The following OLA1 variants were observed in gnomAD, a reference collection of about 807,000 sequenced individuals.
The protein encoded by OLA1 is Obg like ATPase 1.
In OLA1, 14 loss-of-function variants were observed where a neutral mutation model predicts 48.4. The observed-to-expected ratio is 0.29, with a 90% CI of 0.19 to 0.45. The LOEUF (loss-of-function observed/expected upper bound fraction) is 0.45, where lower values mean the gene tolerates loss of function less well. OLA1 is among the 20% of genes least tolerant of loss of function. The pLI, the probability that OLA1 is intolerant of heterozygous loss-of-function variation, is 1.00. For synonymous variants in OLA1, 127 were observed against 150.4 expected (o/e 0.84, Z 1.14); for missense variants, 325 against 467.1 (o/e 0.70, Z 2.80).
chr2:174,203,949 T>C (rs1218898506), intron 4 of OLA1, among the ~76,000 whole-genome samples: 2 of 151,620 alleles, frequency 1.3e-5, no homozygotes, highest in Non-Finnish European at 2.9e-5. Context: ...TGTGCACCAC[T>C]GCGCCCAGCT....
At chr2:174,237,285 C>T (rs1301406449) in intron 2 of OLA1, among the ~76,000 whole-genome samples, 1 of 151,878 alleles carries the variant, frequency 6.6e-6, no homozygotes, top group Non-Finnish European at 1.5e-5. Context: ...TCCACCTACA[C>T]ATTTTGTCCC....
At chr2:174,205,989 T>C (rs1182115316) in intron 4 of OLA1, among the ~76,000 whole-genome samples, 1 of 152,152 alleles carries the variant, frequency 6.6e-6, no homozygotes, top group Non-Finnish European at 1.5e-5. Context: ...AGCTCAAAAT[T>C]ATAAGTCACT....
At chr2:174,245,427 G>A (rs986099677) in intron 2 of OLA1, among the ~76,000 whole-genome samples, 2 of 152,192 alleles carry the variant, frequency 1.3e-5, no homozygotes, top group Admixed American at 1.3e-4. Flanking sequence ...GAATCTCTAT[G>A]ACAGGAGCTC....
chr2:174,118,147 C>T (rs1219612344), intron 7 of OLA1, among the ~76,000 whole-genome samples: 1 of 152,134 alleles, frequency 6.6e-6, no homozygotes, highest in African/African-American at 2.4e-5. Context: ...CTCATTATCA[C>T]GAGAACAGCA....
chr2:174,228,879 A>G (rs1688668853), intron 3 of OLA1, among the ~76,000 whole-genome samples: 1 of 152,092 alleles, frequency 6.6e-6, no homozygotes, highest in Non-Finnish European at 1.5e-5. Context: ...CATACTCTGC[A>G]TTACTTTTTT....
rs994484444 is a variant in OLA1, at chr2:174,127,425, C to G, written c.550-3750G>C. On this transcript the variant is annotated intron_variant, in intron 5 of 10. Transcript: ENST00000284719. ...AATAGCTGATCATTAATCCATGTAT[C>G]ACAAAAATAGTAATTTTTCTTTGCA... Among the ~76,000 whole-genome samples the G allele has an allele frequency of 2.2e-4, 34 of 152,268 alleles. 1 individual carries two copies. The highest frequency in any genetic ancestry group is 6.8e-3 in the Middle Eastern group (2 of 294).
intron 2 of OLA1, among the ~76,000 whole-genome samples, chr2:174,241,566 T>G (rs1312479840): frequency 1.3e-5 from 2 of 152,188 alleles, no homozygotes; most frequent in East Asian, 3.8e-4. Flanking sequence ...CTGGGGCAGT[T>G]TGTGAGTGTT....
At chr2:174,223,971 T>C (rs1688562074) in intron 3 of OLA1, among the ~76,000 whole-genome samples, 1 of 152,160 alleles carries the variant, frequency 6.6e-6, no homozygotes, top group South Asian at 2.1e-4. Context: ...AGTATATCAA[T>C]AAATAAAAGC....
intron 4 of OLA1, among the ~76,000 whole-genome samples, chr2:174,175,906 T>C (rs1687410783): frequency 6.6e-6 from 1 of 151,948 alleles, no homozygotes; most frequent in Non-Finnish European, 1.5e-5. Flanking sequence ...TCAAAAACAT[T>C]ATGCTAGATC....
At chr2:174,158,356 C>T (rs1245220862) in intron 4 of OLA1, among the ~76,000 whole-genome samples, 3 of 151,102 alleles carry the variant, frequency 2.0e-5, no homozygotes, top group Non-Finnish European at 2.9e-5. Context: ...CCACACAGCA[C>T]GTTATGGTAC....
intron 3 of OLA1, 48 bp from the exon 4 acceptor site, chr2:174,223,208 T>A: frequency 2.6e-6 from 4 of 1,533,504 alleles, no homozygotes; most frequent in Non-Finnish European, 3.6e-6. Context: ...TAAAAACTTA[T>A]CTATCAACCA....
intron 4 of OLA1, among the ~76,000 whole-genome samples, chr2:174,214,112 C>A (rs973129807): frequency 6.6e-6 from 1 of 151,958 alleles, no homozygotes; most frequent in East Asian, 1.9e-4. Context: ...GCAGGCAGAT[C>A]ATTTGAGGTC....
intron 7 of OLA1, among the ~76,000 whole-genome samples, chr2:174,095,516 T>C (rs1387176325): frequency 6.6e-6 from 1 of 152,028 alleles, no homozygotes; most frequent in East Asian, 1.9e-4. Flanking sequence ...TCCTCCGCTC[T>C]TGTTTTTAAC....
intron 7 of OLA1, among the ~76,000 whole-genome samples, chr2:174,119,662 C>T (rs1243913083): frequency 2.0e-5 from 3 of 151,908 alleles, no homozygotes; most frequent in South Asian, 2.1e-4. Flanking sequence ...TTGTTATGTA[C>T]AAATTATGTG....
At chr2:174,185,479 G>A (rs1392005854) in intron 4 of OLA1, among the ~76,000 whole-genome samples, 1 of 151,932 alleles carries the variant, frequency 6.6e-6, no homozygotes, top group African/African-American at 2.4e-5. Context: ...GTCAACATTC[G>A]AATACTTATT....
chr2:174,133,207 T>TA (rs1686222514), intron 5 of OLA1, among the ~76,000 whole-genome samples: 1 of 152,206 alleles, frequency 6.6e-6, no homozygotes, highest in Admixed American at 6.5e-5. Context: ...ATCTTCAACT[T>TA]ACAATGGTTC....
At chr2:174,236,630 C>A (rs1688856636) in intron 2 of OLA1, among the ~76,000 whole-genome samples, 1 of 152,110 alleles carries the variant, frequency 6.6e-6, no homozygotes, top group South Asian at 2.1e-4. Flanking sequence ...ATTTCATCAT[C>A]GTGCGAACAT....
intron 7 of OLA1, among the ~76,000 whole-genome samples, chr2:174,117,449 T>A (rs1230159527): frequency 6.6e-6 from 1 of 152,134 alleles, no homozygotes; most frequent in Non-Finnish European, 1.5e-5. Context: ...CCTTGATAGT[T>A]TCTACTCCCT....
intron 7 of OLA1, among the ~76,000 whole-genome samples, chr2:174,085,122 TGTATTTTTCTTCCCG>T (rs1224933358): frequency 6.6e-6 from 1 of 152,198 alleles, no homozygotes; most frequent in Non-Finnish European, 1.5e-5. Flanking sequence ...TGCCATTAGT[TGTATTTTTCTTCCCG>T]GTAGTGATTC....
Sources: gnomAD v4.1 joint callset for allele counts (sites outside exome capture counted in the v4.1 genomes callset) on GRCh38, gnomAD v4.1.1 for gene constraint, MANE v1.5 for transcripts, NCBI Gene and HGNC (gene_info 2026-07-23, HGNC 2026-07-21) for gene names.